CAPRIN2: variants seen among roughly 807,000 people sequenced by gnomAD.
The protein encoded by CAPRIN2 is caprin family member 2.
Under a neutral mutation model 130.4 loss-of-function variants are expected in CAPRIN2, and 66 were observed. The observed-to-expected ratio is 0.51, with a 90% confidence interval of 0.42 to 0.62. CAPRIN2 has a LOEUF of 0.62. Among genes scored for constraint, CAPRIN2 ranks in the 20% least tolerant of loss-of-function variants. The pLI, the probability that CAPRIN2 is intolerant of heterozygous loss-of-function variation, is 0.00. For synonymous variants in CAPRIN2, 471 were observed against 444.1 expected, an observed-to-expected ratio of 1.06 and a Z score of -0.76; for missense variants, 1,185 against 1,246.6, an observed-to-expected ratio of 0.95 and a Z score of 0.74.
intron 15 of CAPRIN2, chr12:30,711,931 T>G: frequency 2.0e-6 from 1 of 492,286 alleles, no homozygotes; most frequent in Admixed American, 2.6e-5. Context: ...GAGAGAAATT[T>G]TTAAATGTGG....
At chr12:30,726,606 A>G (rs1413949974) in intron 8 of CAPRIN2, among the ~76,000 whole-genome samples, 1 of 152,198 alleles carries the variant, frequency 6.6e-6, no homozygotes, top group Admixed American at 6.5e-5. Context: ...GGGGCTACTG[A>G]TATCCATCCT....
exon 8 of CAPRIN2, chr12:30,728,867 G>A (rs184804045): frequency 1.9e-5 from 30 of 1,613,944 alleles, no homozygotes; most frequent in South Asian, 1.6e-4. Flanking sequence ...TGTTCTGTTC[G>A]CTCTGCATGG....
intron 2 of CAPRIN2, among the ~76,000 whole-genome samples, chr12:30,744,896 G>C (rs10843833): frequency 0.48 from 72,579 of 151,982 alleles, 17,779 homozygotes; most frequent in African/African-American, 0.53. Flanking sequence ...ATCAGATATG[G>C]TCAAGATTCT....
At chr12:30,721,826 T>C (rs145781546) in intron 11 of CAPRIN2, among the ~76,000 whole-genome samples, 41 of 152,302 alleles carry the variant, frequency 2.7e-4, no homozygotes, top group African/African-American at 8.9e-4. Flanking sequence ...GACTGGGGAT[T>C]GAGTTTTAAG....
chr12:30,742,250 T>C (rs775963634), intron 2 of CAPRIN2, among the ~76,000 whole-genome samples: 1 of 152,062 alleles, frequency 6.6e-6, no homozygotes, highest in Non-Finnish European at 1.5e-5. Context: ...CTCAATAGTG[T>C]TGGAAAAAAC....
intron 12 of CAPRIN2, among the ~76,000 whole-genome samples, chr12:30,717,144 T>C (rs1034057867): frequency 6.6e-6 from 1 of 152,202 alleles, no homozygotes; most frequent in African/African-American, 2.4e-5. Flanking sequence ...CCCATGTTCA[T>C]AGCAGCATTA....
At chr12:30,719,094 A>T in intron 12 of CAPRIN2, 1 of 1,613,680 alleles carries the variant, frequency 6.2e-7, no homozygotes. Context: ...GCATGGCTTG[A>T]AAGGGTGCTG....
chr12:30,728,204 TAA>T (rs955344936), intron 8 of CAPRIN2, among the ~76,000 whole-genome samples: 8 of 152,148 alleles, frequency 5.3e-5, no homozygotes, highest in African/African-American at 1.9e-4. Flanking sequence ...GGGAAAACAA[TAA>T]ATCTACCCAC....
chr12:30,729,564 C>T (rs901022473), intron 7 of CAPRIN2, among the ~76,000 whole-genome samples: 12 of 152,202 alleles, frequency 7.9e-5, no homozygotes, highest in African/African-American at 2.7e-4. Flanking sequence ...AAAGTAGCAA[C>T]TTCTGTTGGA....
At chr12:30,751,116 A>G in exon 2 of CAPRIN2, 2 of 1,613,792 alleles carry the variant, frequency 1.2e-6, no homozygotes, top group Non-Finnish European at 1.7e-6. Flanking sequence ...GGCGATCCTT[A>G]TAATCCTCCA....
chr12:30,733,126 G>A (rs1350974902), intron 5 of CAPRIN2, among the ~76,000 whole-genome samples: 3 of 151,990 alleles, frequency 2.0e-5, no homozygotes, highest in Non-Finnish European at 4.4e-5. Context: ...TTCATGTCCA[G>A]TCATTTGTAT....
At chr12:30,715,256 G>A (rs1422942951) in intron 13 of CAPRIN2, 115 bp from the exon 16 acceptor site, 10 of 757,204 alleles carry the variant, frequency 1.3e-5, no homozygotes, top group Non-Finnish European at 2.2e-5. Context: ...AAAATAAATA[G>A]GAGATACATA....
chr12:30,754,810 G>A (rs961828483), upstream of CAPRIN2: 74 of 152,052 alleles, frequency 4.9e-4, no homozygotes, highest in Non-Finnish European at 8.4e-4. Flanking sequence ...AAAGCCTGGG[G>A]GAGGCAGGAG....
At chr12:30,730,136 G>A (rs749228199) in intron 7 of CAPRIN2, 103 bp downstream of exon 8, 6 of 914,588 alleles carry the variant, frequency 6.6e-6, no homozygotes, top group Non-Finnish European at 1.1e-5. Flanking sequence ...CAGAACCAGG[G>A]TTCAAGCTCA....
intron 3 of CAPRIN2, among the ~76,000 whole-genome samples, chr12:30,737,746 C>T (rs2065556017): frequency 6.6e-6 from 1 of 151,816 alleles, no homozygotes; most frequent in African/African-American, 2.4e-5. Context: ...TACAGGCACC[C>T]GCCACCACGC....
intron 3 of CAPRIN2, among the ~76,000 whole-genome samples, chr12:30,737,031 G>C (rs536399965): frequency 6.6e-6 from 1 of 152,238 alleles, no homozygotes; most frequent in South Asian, 2.1e-4. Flanking sequence ...TTGAGACAGA[G>C]TATCATTATG....
chr12:30,745,287 C>T (rs1476298448), intron 2 of CAPRIN2, among the ~76,000 whole-genome samples: 4 of 151,984 alleles, frequency 2.6e-5, no homozygotes, highest in African/African-American at 7.3e-5. Flanking sequence ...AAATCCAGAT[C>T]GGAACCAAAC....
intron 2 of CAPRIN2, among the ~76,000 whole-genome samples, chr12:30,743,942 G>A (rs1158776851): frequency 6.6e-6 from 1 of 152,110 alleles, no homozygotes; most frequent in Non-Finnish European, 1.5e-5. Flanking sequence ...TACCTAAACA[G>A]CTGGTACCAG....
chr12:30,731,104 C>T (rs949891902), intron 6 of CAPRIN2, among the ~76,000 whole-genome samples: 19 of 152,108 alleles, frequency 1.2e-4, no homozygotes, highest in African/African-American at 4.3e-4. Context: ...CTCCTTTTAA[C>T]CAATGTATTC....
Sources: allele counts gnomAD v4.1 joint callset (sites outside exome capture counted in the v4.1 genomes callset), GRCh38; gene constraint gnomAD v4.1.1; transcripts MANE v1.5; gene names NCBI Gene and HGNC (gene_info 2026-07-23, HGNC 2026-07-21).